Variants in PTGFRN observed in about 807,000 individuals in gnomAD.
PTGFRN encodes prostaglandin F2 receptor negative regulator.
Under a neutral mutation model 83.2 loss-of-function variants are expected in PTGFRN, and 35 were observed. That is an observed-to-expected ratio of 0.42 (90% CI 0.32 to 0.56). PTGFRN has a LOEUF of 0.56. Ranked by LOEUF, PTGFRN falls within the 20% of genes least tolerant of loss-of-function variation. The pLI, the probability that PTGFRN is intolerant of heterozygous loss-of-function variation, is 0.11. For missense variants in PTGFRN, 1,051 were observed against 1,179.5 expected, an observed-to-expected ratio of 0.89 and a Z score of 1.60; for synonymous variants, 519 against 498.6, an observed-to-expected ratio of 1.04 and a Z score of -0.55.
intron 1 of PTGFRN, 127 bp downstream of exon 1, chr1:116,910,379 C>G: frequency 1.2e-6 from 1 of 847,266 alleles, no homozygotes; most frequent in South Asian, 5.8e-5. Context: ...GGAAACCCGG[C>G]CGGGGTGCGC....
At chr1:116,934,290 T>C (rs1015935523) in intron 1 of PTGFRN, among the ~76,000 whole-genome samples, 3 of 151,874 alleles carry the variant, frequency 2.0e-5, no homozygotes, top group South Asian at 2.1e-4. Context: ...GAACTACAGA[T>C]GTGTGCCACC....
At chr1:116,911,214 G>C (rs954997246) in intron 1 of PTGFRN, among the ~76,000 whole-genome samples, 5 of 152,214 alleles carry the variant, frequency 3.3e-5, no homozygotes, top group Non-Finnish European at 5.9e-5. Flanking sequence ...CTTGTTGTCA[G>C]TGTCAACCAG....
Position 116,925,816 on chromosome 1 carries a change from C to G in PTGFRN, c.49+15564C>G, listed in dbSNP as rs1465744790. 2.0e-5 allele frequency among the ~76,000 whole-genome samples: 3 copies of G among 152,160 alleles called. No homozygotes were observed. In the East Asian group the frequency reaches 5.8e-4, roughly 29 times the overall value. ...GGCCAGGTGTTAGCTCATCAACTTT[C>G]CGTGATGATGTGGTTCTGCACACAG... On this transcript the variant is annotated intron_variant, in intron 1 of 8. Coordinates refer to ENST00000393203, the MANE Select transcript of PTGFRN (RefSeq NM_020440.4).
At chr1:116,962,164 G>A (rs867619482) in intron 5 of PTGFRN, among the ~76,000 whole-genome samples, 1 of 152,048 alleles carries the variant, frequency 6.6e-6, no homozygotes, top group African/African-American at 2.4e-5. Context: ...TTCGAATCTC[G>A]TGTCATCATC....
chr1:116,919,530 C>G (rs2250882), intron 1 of PTGFRN, among the ~76,000 whole-genome samples: 9 of 151,990 alleles, frequency 5.9e-5, no homozygotes, highest in Non-Finnish European at 1.3e-4. Flanking sequence ...CCCCAGCAGC[C>G]GGAACCAGCT....
intron 1 of PTGFRN, among the ~76,000 whole-genome samples, chr1:116,930,744 G>A (rs186098439): frequency 2.6e-5 from 4 of 151,842 alleles, no homozygotes; most frequent in Admixed American, 2.0e-4. Context: ...ATGATCTCTG[G>A]GCCTCCATGT....
At position 116,919,920 on chromosome 1, in the gene PTGFRN, C is replaced by T. The variant is rs371339076; in HGVS notation, c.49+9668C>T. Among the ~76,000 whole-genome samples the T allele has an allele frequency of 1.1e-3, 168 of 152,358 alleles. 1 individual carries two copies. Among genetic ancestry groups the T allele is most frequent in the African/African-American group, 3.6e-3 (151 of 41,572 alleles). On this transcript the variant is annotated intron_variant, in intron 1 of 8. Coordinates refer to ENST00000393203, the MANE Select transcript of PTGFRN (RefSeq NM_020440.4). Reference sequence around the variant, plus strand: ...ACCTTGGACAAGTTGCTGAACAGCTCTCAGCCCCTGTAAAATAAGGGTTGG... The same window carrying T: ...ACCTTGGACAAGTTGCTGAACAGCTTTCAGCCCCTGTAAAATAAGGGTTGG...
chr1:116,934,406 C>A (rs1416350582), intron 1 of PTGFRN, among the ~76,000 whole-genome samples: 2 of 152,210 alleles, frequency 1.3e-5, no homozygotes, highest in East Asian at 3.8e-4. Context: ...CTCAGCCTCC[C>A]AGTGTGCTGG....
chr1:116,961,490 C>T lies in PTGFRN; in HGVS notation c.1461C>T (p.Asp487=), dbSNP rs778249918. 6.2e-7 allele frequency: 1 copy of T among 1,613,964 alleles called. No individual in the cohort carries two copies. Among genetic ancestry groups the T allele is most frequent in the African/African-American group, 1.3e-5 (1 of 74,898 alleles). Residue 487 remains aspartate, a synonymous_variant, in exon 5 of 9, where the codon GAC becomes GAT. Transcript: ENST00000393203. The surrounding 1 kb of genome is among the most constrained non-coding windows in gnomAD (Gnocchi z 5.4). The part of the protein sequence containing the change: ...ERSKQRAQDG[D]FIFSKEHTDT... ...GCAAGCAGCGGGCCCAGGATGGAGA[C>T]TTTATTTTTTCTAAGGAACATACAG...
intron 1 of PTGFRN, among the ~76,000 whole-genome samples, chr1:116,913,116 T>C (rs1201274323): frequency 6.6e-6 from 1 of 152,096 alleles, no homozygotes; most frequent in Non-Finnish European, 1.5e-5. Flanking sequence ...GAGCGGCTGG[T>C]GGGTGTGAGT....
chr1:116,964,040 G>A (rs560128433), intron 5 of PTGFRN, among the ~76,000 whole-genome samples: 15 of 151,684 alleles, frequency 9.9e-5, no homozygotes, highest in Admixed American at 3.3e-4. Flanking sequence ...TTAGTCGCCC[G>A]AAGTGCTAGG....
At chr1:116,938,575 G>A (rs1020542770) in intron 1 of PTGFRN, among the ~76,000 whole-genome samples, 33 of 152,172 alleles carry the variant, frequency 2.2e-4, no homozygotes, top group African/African-American at 5.1e-4. Context: ...CCACCAGGTC[G>A]CTCCCACAAC....
intron 6 of PTGFRN, among the ~76,000 whole-genome samples, chr1:116,970,452 G>C (rs1376051141): frequency 6.6e-6 from 1 of 151,996 alleles, no homozygotes; most frequent in Non-Finnish European, 1.5e-5. Flanking sequence ...GTAGGAATCT[G>C]TTCCATCTTG....
Position 116,910,164 on chromosome 1 carries a change from GA to G in PTGFRN, c.-38del. ...GAGGAGGAGGAGGAGAGGCGGCGGG[GA>G]AGGAGGAGGAGGGGGAGAGTCGCTC... is the stretch of plus-strand genomic sequence containing the variant. On this transcript the variant is annotated 5_prime_UTR_variant, in exon 1 of 9. Coordinates refer to ENST00000393203, the MANE Select transcript of PTGFRN (RefSeq NM_020440.4). The G allele has an allele frequency of 6.6e-7, 1 of 1,517,000 alleles. No individual in the cohort carries two copies. The highest frequency in any genetic ancestry group is 1.4e-5 in the African/African-American group (1 of 70,794). 94.0% of individuals were successfully genotyped at this position (1,517,000 alleles called of 1,614,324 possible).
At chr1:116,912,313 G>A (rs1053584700) in intron 1 of PTGFRN, among the ~76,000 whole-genome samples, 2 of 152,158 alleles carry the variant, frequency 1.3e-5, no homozygotes, top group African/African-American at 4.8e-5. Context: ...TGATAACTCT[G>A]CTGTCACAGA....
chr1:116,935,107 C>T (rs1277121859), intron 1 of PTGFRN, among the ~76,000 whole-genome samples: 1 of 152,222 alleles, frequency 6.6e-6, no homozygotes, highest in Admixed American at 6.5e-5. Flanking sequence ...ACCACCTCCC[C>T]ATACCCTTCA....
intron 1 of PTGFRN, among the ~76,000 whole-genome samples, chr1:116,930,887 TG>T (rs1649780428): frequency 1.3e-5 from 2 of 152,188 alleles, no homozygotes; most frequent in Non-Finnish European, 2.9e-5. Flanking sequence ...TCCTCCTTCA[TG>T]TCTTCTGTTA....
chr1:116,928,008 G>A (rs2101055570), intron 1 of PTGFRN, among the ~76,000 whole-genome samples: 1 of 152,302 alleles, frequency 6.6e-6, no homozygotes, highest in Admixed American at 6.5e-5. Context: ...TAACATTAGA[G>A]CCAGAACTGC....
intron 4 of PTGFRN, among the ~76,000 whole-genome samples, chr1:116,956,501 C>T (rs1170430902): frequency 2.0e-5 from 3 of 152,216 alleles, no homozygotes; most frequent in Non-Finnish European, 4.4e-5. Context: ...TCTCTTCAGT[C>T]ATTATTTAAA....
Sources: gnomAD v4.1 joint callset for allele counts (sites outside exome capture counted in the v4.1 genomes callset) on GRCh38, gnomAD v4.1.1 for gene constraint, Gnocchi (gnomAD v3.1) non-coding constraint, MANE v1.5 for transcripts, NCBI Gene and HGNC (gene_info 2026-07-23, HGNC 2026-07-21) for gene names.